The following FARS2 variants were observed in gnomAD, a reference collection of about 807,000 sequenced individuals.
FARS2 encodes the protein phenylalanine--tRNA ligase, mitochondrial.
A neutral mutation model predicts 46.4 loss-of-function variants in FARS2; 40 were observed. That is an observed-to-expected ratio of 0.86 (90% CI 0.67 to 1.12). FARS2 has a LOEUF of 1.12. Among genes scored for constraint, FARS2 ranks in the 50% most tolerant of loss-of-function variants. The pLI, the probability that FARS2 is intolerant of heterozygous loss-of-function variation, is 0.00. For missense variants in FARS2, 513 were observed against 567.9 expected (o/e 0.90, Z 0.98); for synonymous variants, 234 against 214.9 (o/e 1.09, Z -0.78).
chr6:5,284,930 GAACTC>G (rs1383029308), intron 1 of FARS2, among the ~76,000 whole-genome samples: 3 of 152,124 alleles, frequency 2.0e-5, no homozygotes, highest in Non-Finnish European at 4.4e-5. Context: ...CCATCACCTG[GAACTC>G]AATGTGTCTG....
chr6:5,260,183 C>G (rs1764940142), upstream of FARS2, among the ~76,000 whole-genome samples: 1 of 152,166 alleles, frequency 6.6e-6, no homozygotes, highest in Non-Finnish European at 1.5e-5. Context: ...CATTACGACA[C>G]CTAGGAAATT....
intron 5 of FARS2, among the ~76,000 whole-genome samples, chr6:5,592,386 C>CAA (rs376302548): frequency 9.6e-6 from 1 of 104,144 alleles, no homozygotes; most frequent in Non-Finnish European, 2.0e-5. Flanking sequence ...ACCTTGTCTC[C>CAA]AAAAAAAAAA....
intron 2 of FARS2, among the ~76,000 whole-genome samples, chr6:5,376,201 T>G (rs1405628739): frequency 1.3e-5 from 2 of 152,190 alleles, no homozygotes; most frequent in Non-Finnish European, 2.9e-5. Flanking sequence ...CGTGTGTGCT[T>G]TTACTATTCT....
At chr6:5,756,238 C>T (rs1446351383) in intron 6 of FARS2, among the ~76,000 whole-genome samples, 3 of 152,184 alleles carry the variant, frequency 2.0e-5, no homozygotes, top group South Asian at 2.1e-4. Flanking sequence ...TTACTTTTTG[C>T]GTCTGGAGAT....
At chr6:5,298,694 A>G (rs1434550795) in intron 1 of FARS2, among the ~76,000 whole-genome samples, 2 of 152,128 alleles carry the variant, frequency 1.3e-5, no homozygotes, top group Non-Finnish European at 2.9e-5. Flanking sequence ...CTAATGTGCC[A>G]TCAAGATGTG....
chr6:5,510,423 C>CCT (rs1369954003), intron 4 of FARS2, among the ~76,000 whole-genome samples: 5 of 152,102 alleles, frequency 3.3e-5, no homozygotes, highest in African/African-American at 9.7e-5. Context: ...AGCCTCTCCC[C>CCT]TTCAGACCTC....
At chr6:5,323,831 A>G (rs1164365693) in intron 1 of FARS2, among the ~76,000 whole-genome samples, 6 of 152,204 alleles carry the variant, frequency 3.9e-5, no homozygotes, top group Admixed American at 3.9e-4. Context: ...TCCAAAGGGT[A>G]TCACCCTAAT....
chr6:5,456,026 G>A (rs1764834671), intron 4 of FARS2, among the ~76,000 whole-genome samples: 1 of 152,116 alleles, frequency 6.6e-6, no homozygotes, highest in South Asian at 2.1e-4. Context: ...AGACCAGCCA[G>A]GGAAACGTGG....
At chr6:5,628,892 C>T (rs1256569822) in intron 6 of FARS2, among the ~76,000 whole-genome samples, 1 of 152,236 alleles carries the variant, frequency 6.6e-6, no homozygotes, top group Non-Finnish European at 1.5e-5. Flanking sequence ...AGTTCTAAAA[C>T]ACATGCAATT....
At chr6:5,562,874 G>T (rs987006795) in intron 5 of FARS2, among the ~76,000 whole-genome samples, 2 of 150,694 alleles carry the variant, frequency 1.3e-5, no homozygotes, top group Non-Finnish European at 3.0e-5. Flanking sequence ...CGCGATCTAG[G>T]CTCAGTGCAA....
chr6:5,427,751 G>C (rs1413023520), intron 3 of FARS2, among the ~76,000 whole-genome samples: 1 of 152,024 alleles, frequency 6.6e-6, no homozygotes. Flanking sequence ...TACCCACGTT[G>C]TTACCAAAAA....
At chr6:5,591,959 C>A (rs1773942515) in intron 5 of FARS2, among the ~76,000 whole-genome samples, 1 of 152,178 alleles carries the variant, frequency 6.6e-6, no homozygotes, top group South Asian at 2.1e-4. Flanking sequence ...GCTTTCTATA[C>A]ATATTTGTTG....
chr6:5,305,421 A>C (rs766342396), intron 1 of FARS2, among the ~76,000 whole-genome samples: 6 of 152,230 alleles, frequency 3.9e-5, no homozygotes, highest in Non-Finnish European at 7.3e-5. Flanking sequence ...CTTGTGTTGA[A>C]GTAGTGGGAT....
intron 4 of FARS2, among the ~76,000 whole-genome samples, chr6:5,509,753 A>G (rs1768318093): frequency 6.6e-6 from 1 of 152,186 alleles, no homozygotes; most frequent in Non-Finnish European, 1.5e-5. Flanking sequence ...TGGTTTCTTT[A>G]TGGGGATACC....
intron 6 of FARS2, among the ~76,000 whole-genome samples, chr6:5,636,942 G>T (rs888764910): frequency 6.6e-6 from 1 of 152,268 alleles, no homozygotes; most frequent in Admixed American, 6.5e-5. Flanking sequence ...GTGCCCCAGG[G>T]CCTCACAGGG....
chr6:5,547,443 A>G (rs1223076583), intron 5 of FARS2, among the ~76,000 whole-genome samples: 2 of 151,826 alleles, frequency 1.3e-5, no homozygotes, highest in East Asian at 3.9e-4. Context: ...ATCCCCAGAA[A>G]GTCTTATGCT....
chr6:5,400,627 A>ATGTGTG (rs143424234), intron 2 of FARS2, among the ~76,000 whole-genome samples: 2,878 of 150,534 alleles, frequency 0.019, 37 homozygotes, highest in Non-Finnish European at 0.028. Flanking sequence ...ATATGTGTGT[A>ATGTGTG]TGTGTGTGTG....
intron 4 of FARS2, among the ~76,000 whole-genome samples, chr6:5,439,979 A>G (rs1375303559): frequency 6.6e-6 from 1 of 152,172 alleles, no homozygotes; most frequent in African/African-American, 2.4e-5. Flanking sequence ...AGTTCCTCCT[A>G]GTGACATATT....
At chr6:5,611,083 C>T (rs1320382880) in intron 5 of FARS2, among the ~76,000 whole-genome samples, 1 of 151,842 alleles carries the variant, frequency 6.6e-6, no homozygotes, top group African/African-American at 2.4e-5. Flanking sequence ...GACAGAGATG[C>T]ACACCCCACC....
Sources: allele counts gnomAD v4.1 joint callset (sites outside exome capture counted in the v4.1 genomes callset), GRCh38; gene constraint gnomAD v4.1.1; transcripts MANE v1.5; gene names NCBI Gene and HGNC (gene_info 2026-07-23, HGNC 2026-07-21).